The following SGSM3 variants were observed in gnomAD, a reference collection of about 807,000 sequenced individuals.
SGSM3 encodes small G protein signaling modulator 3.
A neutral mutation model predicts 100.5 loss-of-function variants in SGSM3; 96 were observed. That is an observed-to-expected ratio of 0.96 (90% confidence interval 0.81 to 1.13). The LOEUF is 1.13. Ranked by LOEUF, SGSM3 falls within the 50% of genes most tolerant of loss-of-function variation. SGSM3 has a pLI of 0.00. For missense variants in SGSM3, 1,001 were observed against 1,015.8 expected (o/e 0.99, Z 0.20); for synonymous variants, 483 against 422.8 (o/e 1.14, Z -1.75).
chr22:40,396,612 AAAAAG>A (rs1436010936), intron 1 of SGSM3, among the ~76,000 whole-genome samples: 44 of 151,852 alleles, frequency 2.9e-4, no homozygotes, highest in African/African-American at 9.4e-4. Flanking sequence ...AAAAAAAAAA[AAAAAG>A]AAGTATTTTT....
chr22:40,402,474 T>G (rs2050881429), intron 4 of SGSM3, among the ~76,000 whole-genome samples: 1 of 152,218 alleles, frequency 6.6e-6, no homozygotes, highest in African/African-American at 2.4e-5. Context: ...ACGTGGTGGC[T>G]CACGCCTGTA....
At position 40,400,677 on chromosome 22, in the gene SGSM3, C is replaced by G. The variant is rs977980605; in HGVS notation, c.-111-19C>G. On this transcript the variant is annotated intron_variant, in intron 1 of 21. Coordinates refer to ENST00000248929, the MANE Select transcript of SGSM3 (RefSeq NM_015705.6). ...TAAAAATAAAAATAGAATGACTTTC[C>G]TCTTTTCTCTTCTAACAGGGCAGAT... 2.2e-6 allele frequency: 2 copies of G among 902,398 alleles called. No individual in the cohort carries two copies. The highest frequency in any genetic ancestry group is 5.3e-5 in the Admixed American group (2 of 37,402). 55.9% of individuals were successfully genotyped at this position (902,398 alleles called of 1,614,324 possible). A position where few individuals can be genotyped will look rare whatever the true frequency, so the allele number is the denominator to read the frequency against.
rs1217554183 is a variant in SGSM3 at position 40,409,979 on chromosome 22, TTTGTACCAAAAACC to T, written c.*225_*238del. 1.3e-5 allele frequency: 17 copies of T among 1,344,988 alleles called. No homozygotes were observed. Among genetic ancestry groups the T allele is most frequent in the Non-Finnish European group, 1.6e-5 (17 of 1,055,068 alleles). The allele number at this position is 1,344,988 out of a possible 1,614,324, so 83.3% of individuals were successfully genotyped here. On this transcript the variant is annotated 3_prime_UTR_variant, in exon 22 of 22. Coordinates refer to ENST00000248929, the MANE Select transcript of SGSM3 (RefSeq NM_015705.6). ...AGGGATGCTCTAGGCCAAACCACAG[TTTGTACCAAAAACC>T]TTGTGAGGAGGTGGGGGAGCCATGT... is the stretch of plus-strand genomic sequence containing the variant.
Position 40,409,667 on chromosome 22 carries a change from CT to C in SGSM3, c.2173-14del. ...TGCCCAAGGCCTGTGAGGTGAGGGGCTGCCCTGTTTGCAGGCGCAGCAGCCC... is the reference window on the plus strand; with the variant it reads ...TGCCCAAGGCCTGTGAGGTGAGGGGCGCCCTGTTTGCAGGCGCAGCAGCCC... On this transcript the variant is annotated splice_polypyrimidine_tract_variant and intron_variant, in intron 21 of 21. Coordinates refer to ENST00000248929, the MANE Select transcript of SGSM3 (RefSeq NM_015705.6). The C allele has an allele frequency of 3.1e-6, 5 of 1,613,328 alleles. No individual in the cohort carries two copies. In the South Asian group the frequency reaches 5.5e-5, roughly 18 times the overall value.
In SGSM3 at chr22:40,409,817, C is replaced by T. The variant is rs1018167924; in HGVS notation, c.*58C>T. The T allele has an allele frequency of 8.3e-6, 13 of 1,575,350 alleles. No homozygotes were observed. The highest frequency in any genetic ancestry group is 1.1e-5 in the Non-Finnish European group (13 of 1,166,982). ...GTCTGAGGTGGCCCAGGACCCCAAG[C>T]TGCAGAGCCCAGGGAAGAGCAGCTC... On this transcript the variant is annotated 3_prime_UTR_variant, in exon 22 of 22. Coordinates refer to ENST00000248929, the MANE Select transcript of SGSM3 (RefSeq NM_015705.6).
Position 40,406,323 on chromosome 22 carries a change from C to T in SGSM3, c.960+100C>T, listed in dbSNP as rs1426664401. 4 of 1,540,146 alleles carry T rather than the reference C, an allele frequency of 2.6e-6. No individual in the cohort carries two copies. In the East Asian group the frequency reaches 9.3e-5, roughly 36 times the overall value. On this transcript the variant is annotated intron_variant, in intron 9 of 21. Coordinates refer to ENST00000248929, the MANE Select transcript of SGSM3 (RefSeq NM_015705.6). ...GGCCAGGCAAGACCAGCCCCCTGGCCCCTGACAACTGTGCCAAGGCAAACG... is the reference window on the plus strand; with the variant it reads ...GGCCAGGCAAGACCAGCCCCCTGGCTCCTGACAACTGTGCCAAGGCAAACG...
In SGSM3 at chr22:40,407,883, A is replaced by G. The variant is rs773269009; in HGVS notation, c.1579+40A>G. On this transcript the variant is annotated intron_variant, in intron 14 of 21. Coordinates refer to ENST00000248929, the MANE Select transcript of SGSM3 (RefSeq NM_015705.6). This position sits in a 1 kb window ranked among gnomAD's most constrained non-coding sequence, Gnocchi z 4.7. ...CTGCTCTTGAGCTGGGAGAGGGAGGAGGGGGTGGGCACAGAAGACTTGGGT... is the reference window on the plus strand; with the variant it reads ...CTGCTCTTGAGCTGGGAGAGGGAGGGGGGGGTGGGCACAGAAGACTTGGGT... The G allele has an allele frequency of 3.3e-5, 46 of 1,401,326 alleles. No homozygotes were observed. The highest frequency in any genetic ancestry group is 2.3e-4 in the South Asian group (19 of 83,992). 86.8% of individuals were successfully genotyped at this position (1,401,326 alleles called of 1,614,324 possible). A position where few individuals can be genotyped will look rare whatever the true frequency, so the allele number is the denominator to read the frequency against.
In SGSM3 at chr22:40,370,625, CTG is replaced by C. The variant is rs1031990969; in HGVS notation, c.-174_-173del. On this transcript the variant is annotated 5_prime_UTR_variant, in exon 1 of 22. Transcript: ENST00000248929. Reference sequence around the variant, plus strand: ...GCGCTTAGGCGCCGCTGAGCGCTGACTGGGTGCGAGTGGGGAAGCTGCTAACC... The same window carrying C: ...GCGCTTAGGCGCCGCTGAGCGCTGACGGTGCGAGTGGGGAAGCTGCTAACC... 2.6e-5 allele frequency: 4 copies of C among 152,514 alleles called. No individual in the cohort carries two copies. The highest frequency in any genetic ancestry group is 9.6e-5 in the African/African-American group (4 of 41,480). 9.4% of individuals were successfully genotyped at this position (152,514 alleles called of 1,614,324 possible).
chr22:40,406,915 C>A, intron 10 of SGSM3, 102 bp from the exon 11 acceptor site: 1 of 1,195,114 alleles, frequency 8.4e-7, no homozygotes, highest in Non-Finnish European at 1.2e-6. Flanking sequence ...TTCTTGGAGC[C>A]AGCGTCAGAG....
At chr22:40,408,491 C>T in intron 16 of SGSM3, 62 bp downstream of exon 16, 1 of 1,602,638 alleles carries the variant, frequency 6.2e-7, no homozygotes, top group Non-Finnish European at 8.5e-7. Context: ...CCCCCTAGTA[C>T]CCATCTTAGG....
At chr22:40,404,518 CGA>C (rs1429964171) in intron 5 of SGSM3, 37 bp from the exon 6 acceptor site, 1 of 1,609,978 alleles carries the variant, frequency 6.2e-7, no homozygotes, top group Non-Finnish European at 8.5e-7. Flanking sequence ...TCAGGTGTCA[CGA>C]GAAAGACTGA....
intron 3 of SGSM3, 27 bp from the exon 4 acceptor site, chr22:40,402,111 AC>A: frequency 6.3e-7 from 1 of 1,591,760 alleles, no homozygotes; most frequent in South Asian, 1.1e-5. Flanking sequence ...GGGACAGGCA[AC>A]TGACTTCAAC....
chr22:40,407,385 C>T lies in SGSM3; in HGVS notation c.1369-28C>T, dbSNP rs780086097. The T allele has an allele frequency of 3.1e-6, 5 of 1,611,608 alleles. No homozygotes were observed. The highest frequency in any genetic ancestry group is 4.5e-5 in the East Asian group (2 of 44,828). ...ACACGGCCCTAACTCCTCCAACCCC[C>T]TTGGTGGGCCTGTGTTCACTGTGGC... On this transcript the variant is annotated intron_variant, in intron 12 of 21. Transcript: ENST00000248929. The surrounding 1 kb of genome is among the most constrained non-coding windows in gnomAD (Gnocchi z 4.7).
intron 1 of SGSM3, among the ~76,000 whole-genome samples, chr22:40,375,743 A>G (rs182339535): frequency 1.3e-5 from 2 of 152,106 alleles, no homozygotes; most frequent in East Asian, 3.9e-4. Flanking sequence ...CTGCAAGCTA[A>G]CACTCTAAAG....
intron 1 of SGSM3, among the ~76,000 whole-genome samples, chr22:40,381,922 T>A (rs1408892317): frequency 6.6e-6 from 1 of 152,210 alleles, no homozygotes; most frequent in Non-Finnish European, 1.5e-5. Context: ...TTCGCGCCAC[T>A]GCACTCCAGC....
chr22:40,408,224 T>C lies in SGSM3; in HGVS notation c.1630-53T>C, dbSNP rs558972134. On this transcript the variant is annotated intron_variant, in intron 15 of 21. Coordinates refer to ENST00000248929, the MANE Select transcript of SGSM3 (RefSeq NM_015705.6). ...GCATGGCAGAGAGGACAGAGGAGGG[T>C]GACTGGCTGCAGGCGTCAGGCAGGG... The C allele has an allele frequency of 3.7e-5, 60 of 1,607,486 alleles. 1 individual carries two copies. In the South Asian group the frequency reaches 6.1e-4, roughly 16 times the overall value.
At chr22:40,382,770 T>C (rs1364061601) in intron 1 of SGSM3, among the ~76,000 whole-genome samples, 1 of 152,272 alleles carries the variant, frequency 6.6e-6, no homozygotes, top group East Asian at 1.9e-4. Flanking sequence ...TTTTGGAAAA[T>C]AGGATCTCCA....
chr22:40,393,823 C>G (rs1463453915), intron 1 of SGSM3, among the ~76,000 whole-genome samples: 1 of 152,210 alleles, frequency 6.6e-6, no homozygotes, highest in Non-Finnish European at 1.5e-5. Flanking sequence ...GGGACCTAAT[C>G]CCATTGATGT....
rs374068436 is a variant in SGSM3 at position 40,409,784 on chromosome 22, G to A, written c.*25G>A. ...ACCCCCTCCTCCCCAGCCCAACCTC[G>A]GGCCTGCGTCTGAGGTGGCCCAGGA... On this transcript the variant is annotated 3_prime_UTR_variant, in exon 22 of 22. Transcript: ENST00000248929. 2.2e-4 allele frequency: 355 copies of A among 1,599,006 alleles called. No homozygotes were observed. Among genetic ancestry groups the A allele is most frequent in the Non-Finnish European group, 2.7e-4 (317 of 1,176,950 alleles).
Sources: allele counts gnomAD v4.1 joint callset (sites outside exome capture counted in the v4.1 genomes callset), GRCh38; gene constraint gnomAD v4.1.1; non-coding constraint Gnocchi (gnomAD v3.1); transcripts MANE v1.5; gene names NCBI Gene and HGNC (gene_info 2026-07-23, HGNC 2026-07-21).